The following PTPRM variants were observed in gnomAD, a reference collection of about 807,000 sequenced individuals.
PTPRM encodes protein tyrosine phosphatase receptor type M, also known as receptor-type tyrosine-protein phosphatase mu.
In PTPRM, 47 loss-of-function variants were observed where a neutral mutation model predicts 186.7. The observed-to-expected ratio is 0.25, with a 90% confidence interval of 0.20 to 0.32. The LOEUF is 0.32. Among genes scored for constraint, PTPRM ranks in the 10% least tolerant of loss-of-function variants. The probability of loss-of-function intolerance (pLI) is 1.00; values close to 1 mark genes in which losing one functional copy is unlikely to be tolerated. For missense variants in PTPRM, 1,494 were observed against 1,865.0 expected, an observed-to-expected ratio of 0.80 and a Z score of 3.66; for synonymous variants, 668 against 674.9, an observed-to-expected ratio of 0.99 and a Z score of 0.16.
intron 27 of PTPRM, among the ~76,000 whole-genome samples, chr18:8,378,766 G>A (rs556214277): frequency 1.3e-5 from 2 of 152,168 alleles, no homozygotes; most frequent in Non-Finnish European, 2.9e-5. Context: ...TTACACCATG[G>A]AAGTGTGTGT....
chr18:8,406,052 T>C, intron 32 of PTPRM, 57 bp from the exon 33 acceptor site: 1 of 1,495,650 alleles, frequency 6.7e-7, no homozygotes, highest in Non-Finnish European at 9.3e-7. Flanking sequence ...GTAATTGCTT[T>C]ACTAGGAACA....
intron 6 of PTPRM, among the ~76,000 whole-genome samples, chr18:7,952,622 G>C (rs1042639588): frequency 7.2e-5 from 11 of 151,810 alleles, no homozygotes; most frequent in Admixed American, 5.9e-4. Context: ...TGTGAACCTG[G>C]GAGACAGAGC....
intron 4 of PTPRM, among the ~76,000 whole-genome samples, chr18:7,911,846 A>ATTTTTTTTTTTTTTTTTTTTTTT (rs57590269): frequency 1.2e-5 from 1 of 80,680 alleles, no homozygotes; most frequent in African/African-American, 5.6e-5. Flanking sequence ...TATGGTTTCA[A>ATTTTTTTTTTTTTTTTTTTTTTT]TTTTTTTTTT....
chr18:7,935,785 C>T (rs2051767593), intron 5 of PTPRM, among the ~76,000 whole-genome samples: 1 of 152,036 alleles, frequency 6.6e-6, no homozygotes, highest in Admixed American at 6.6e-5. Flanking sequence ...GAACATAATA[C>T]CTGTTAGGTA....
rs544034591 is a variant in PTPRM, at chr18:7,962,561, G to A, written c.1132+7147G>A. On this transcript the variant is annotated intron_variant, in intron 7 of 32. Coordinates refer to ENST00000580170, the MANE Select transcript of PTPRM (RefSeq NM_001105244.2). ...CCTAGTGGTAACACTGGAGTGATTCGTTTTAAATATATCTGAATGAGATTC... is the reference window on the plus strand; with the variant it reads ...CCTAGTGGTAACACTGGAGTGATTCATTTTAAATATATCTGAATGAGATTC... 1.2e-3 allele frequency among the ~76,000 whole-genome samples: 187 copies of A among 152,116 alleles called. 1 individual carries two copies. The highest frequency in any genetic ancestry group is 3.0e-3 in the Admixed American group (46 of 15,262).
At chr18:8,376,940 A>C (rs1364129348) in intron 26 of PTPRM, 2 of 205,438 alleles carry the variant, frequency 9.7e-6, no homozygotes, top group African/African-American at 2.4e-5. Context: ...CCAGAGCAAG[A>C]CCGCTCCTGA....
intron 7 of PTPRM, among the ~76,000 whole-genome samples, chr18:8,069,404 G>A (rs2089318371): frequency 3.3e-5 from 5 of 152,158 alleles, no homozygotes; most frequent in South Asian, 2.1e-4. Context: ...GTGAGCCCCT[G>A]CCTTTTAAGA....
chr18:7,792,943 C>A (rs983493690), intron 2 of PTPRM, among the ~76,000 whole-genome samples: 2 of 152,090 alleles, frequency 1.3e-5, no homozygotes, highest in Non-Finnish European at 2.9e-5. Flanking sequence ...ATAAAAGTAG[C>A]CTTTTACTAG....
rs138569144 is a variant in PTPRM, at chr18:8,291,262, G to A, written c.2755-5106G>A. Among the ~76,000 whole-genome samples, 39 of 152,324 alleles carry A rather than the reference G, an allele frequency of 2.6e-4. No homozygotes were observed. In the East Asian group the frequency reaches 6.9e-3, roughly 27 times the overall value. On this transcript the variant is annotated intron_variant, in intron 19 of 32. Coordinates refer to ENST00000580170, the MANE Select transcript of PTPRM (RefSeq NM_001105244.2). ...TGAGGTGAGAGTTAGAGGAGGAGTT[G>A]GAGGTTGTGCTTAAACTTGAATGTA...
At chr18:8,404,593 G>A (rs544385945) in intron 32 of PTPRM, 1 of 152,370 alleles carries the variant, frequency 6.6e-6, no homozygotes, top group South Asian at 2.1e-4. Flanking sequence ...GGAAATTTCA[G>A]TGACAAATTA....
intron 2 of PTPRM, among the ~76,000 whole-genome samples, chr18:7,816,932 T>C (rs2044859043): frequency 6.6e-6 from 1 of 152,052 alleles, no homozygotes; most frequent in African/African-American, 2.4e-5. Flanking sequence ...AATGCATCTC[T>C]TTGAGAAGAA....
At chr18:7,683,626 C>G (rs1033218740) in intron 1 of PTPRM, among the ~76,000 whole-genome samples, 1 of 152,122 alleles carries the variant, frequency 6.6e-6, no homozygotes, top group African/African-American at 2.4e-5. Flanking sequence ...CCTAGAAATC[C>G]TGGTGTGAGA....
At chr18:7,965,081 C>T (rs947253766) in intron 7 of PTPRM, among the ~76,000 whole-genome samples, 1 of 144,688 alleles carries the variant, frequency 6.9e-6, no homozygotes, top group African/African-American at 2.6e-5. Context: ...CTTGTGTACC[C>T]AGGCTGGAGT....
At chr18:8,244,650 G>A (rs1462549879) in intron 15 of PTPRM, among the ~76,000 whole-genome samples, 1 of 152,132 alleles carries the variant, frequency 6.6e-6, no homozygotes, top group Non-Finnish European at 1.5e-5. Flanking sequence ...CTTTATTATA[G>A]GGCTGTCAGT....
chr18:8,230,011 C>T (rs1192500398), intron 14 of PTPRM, among the ~76,000 whole-genome samples: 2 of 152,150 alleles, frequency 1.3e-5, no homozygotes, highest in Admixed American at 6.5e-5. Flanking sequence ...TAGCCTAAAG[C>T]GATATGTGAA....
chr18:7,899,848 T>C (rs1347521472), intron 3 of PTPRM, among the ~76,000 whole-genome samples: 4 of 152,230 alleles, frequency 2.6e-5, no homozygotes, highest in Admixed American at 1.3e-4. Flanking sequence ...TTTCTGGCTT[T>C]GTTTTGGTAT....
intron 1 of PTPRM, among the ~76,000 whole-genome samples, chr18:7,743,597 C>T (rs1308873426): frequency 6.6e-6 from 1 of 152,098 alleles, no homozygotes; most frequent in Non-Finnish European, 1.5e-5. Flanking sequence ...ATATGGAACT[C>T]CTGCTTTATT....
At chr18:7,862,539 AG>A (rs1246931876) in intron 2 of PTPRM, among the ~76,000 whole-genome samples, 1 of 152,194 alleles carries the variant, frequency 6.6e-6, no homozygotes, top group Non-Finnish European at 1.5e-5. Flanking sequence ...GACACCTCCC[AG>A]GGATTTCTCT....
chr18:8,233,130 A>G (rs1488841724), intron 14 of PTPRM, among the ~76,000 whole-genome samples: 1 of 152,214 alleles, frequency 6.6e-6, no homozygotes, highest in African/African-American at 2.4e-5. Context: ...CTGTTTGATC[A>G]TATAGCCTCC....
Sources: gnomAD v4.1 joint callset for allele counts (sites outside exome capture counted in the v4.1 genomes callset) on GRCh38, gnomAD v4.1.1 for gene constraint, MANE v1.5 for transcripts, NCBI Gene and HGNC (gene_info 2026-07-23, HGNC 2026-07-21) for gene names.